The following GHR variants were observed in gnomAD, a reference collection of about 807,000 sequenced individuals.
The protein encoded by GHR is GH receptor.
Under a neutral mutation model 67.1 loss-of-function variants are expected in GHR, and 35 were observed. The observed-to-expected ratio is 0.52, with a 90% CI of 0.40 to 0.69. The LOEUF is 0.69. Ranked by LOEUF, GHR falls within the 30% of genes least tolerant of loss-of-function variation. The pLI, the probability that GHR is intolerant of heterozygous loss-of-function variation, is 0.00. For synonymous variants in GHR, 272 were observed against 269.1 expected (o/e 1.01, Z -0.10); for missense variants, 792 against 764.6 (o/e 1.04, Z -0.42).
intron 3 of GHR, among the ~76,000 whole-genome samples, chr5:42,646,853 T>C (rs1754756705): frequency 6.6e-6 from 1 of 152,196 alleles, no homozygotes; most frequent in Non-Finnish European, 1.5e-5. Flanking sequence ...GGAATCACTG[T>C]GGTACCAGAC....
chr5:42,485,783 G>T (rs1361531143), intron 1 of GHR, among the ~76,000 whole-genome samples: 1 of 152,174 alleles, frequency 6.6e-6, no homozygotes, highest in African/African-American at 2.4e-5. Flanking sequence ...GAGATTAGAA[G>T]CCAGCTCACA....
At chr5:42,454,828 C>G (rs1000786573) in intron 1 of GHR, among the ~76,000 whole-genome samples, 1 of 152,114 alleles carries the variant, frequency 6.6e-6, no homozygotes, top group African/African-American at 2.4e-5. Flanking sequence ...CACACCCCTC[C>G]CTGTCTGCCC....
At chr5:42,561,813 G>A (rs1164005983) in intron 1 of GHR, among the ~76,000 whole-genome samples, 1 of 152,166 alleles carries the variant, frequency 6.6e-6, no homozygotes. Flanking sequence ...AATTTAGAGA[G>A]GGATTTTCCC....
At chr5:42,462,066 A>T (rs772896646) in intron 1 of GHR, among the ~76,000 whole-genome samples, 20 of 152,206 alleles carry the variant, frequency 1.3e-4, no homozygotes, top group Non-Finnish European at 2.6e-4. Context: ...TTATCATGAA[A>T]CTATTCCAGG....
In GHR at chr5:42,424,900, G is replaced by T. The variant is rs1359448380; in HGVS notation, c.-12+945G>T. 4.8e-6 allele frequency: 3 copies of T among 625,656 alleles called. No homozygotes were observed. Among genetic ancestry groups the T allele is most frequent in the Non-Finnish European group, 6.0e-6 (3 of 501,126 alleles). 38.8% of individuals were successfully genotyped at this position (625,656 alleles called of 1,614,324 possible). A position where few individuals can be genotyped will look rare whatever the true frequency, so the allele number is the denominator to read the frequency against. ...GTGTCCTGAATGAGTGTACGTGTGC[G>T]CTGTGTGTGCGCGCGCGAGTGTGCG... On this transcript the variant is annotated intron_variant, in intron 1 of 9. Transcript: ENST00000230882. This position sits in a 1 kb window ranked among gnomAD's most constrained non-coding sequence, Gnocchi z 4.1.
intron 1 of GHR, among the ~76,000 whole-genome samples, chr5:42,438,536 C>G (rs562717842): frequency 6.6e-6 from 1 of 152,298 alleles, no homozygotes; most frequent in Admixed American, 6.5e-5. Flanking sequence ...TGTTCTGTCT[C>G]TTATACCTAT....
chr5:42,512,028 A>C (rs1747039873), intron 1 of GHR, among the ~76,000 whole-genome samples: 1 of 152,146 alleles, frequency 6.6e-6, no homozygotes, highest in Admixed American at 6.6e-5. Flanking sequence ...TTGCTGAAAA[A>C]TTAATATTTG....
intron 3 of GHR, among the ~76,000 whole-genome samples, chr5:42,643,851 G>T (rs1754599443): frequency 6.6e-6 from 1 of 151,590 alleles, no homozygotes; most frequent in Non-Finnish European, 1.5e-5. Context: ...GTTCACAGTG[G>T]TATTTTTTTA....
intron 1 of GHR, among the ~76,000 whole-genome samples, chr5:42,450,573 G>A (rs955378302): frequency 2.0e-5 from 3 of 151,960 alleles, no homozygotes; most frequent in Non-Finnish European, 2.9e-5. Flanking sequence ...CAAAGAACCA[G>A]CTTTTTGTTT....
At chr5:42,571,333 C>T (rs1223000711) in intron 2 of GHR, among the ~76,000 whole-genome samples, 1 of 152,200 alleles carries the variant, frequency 6.6e-6, no homozygotes, top group Non-Finnish European at 1.5e-5. Flanking sequence ...TGTGGTATGG[C>T]TCAGGCTACT....
At chr5:42,622,696 G>A (rs1293512947) in intron 2 of GHR, among the ~76,000 whole-genome samples, 1 of 152,094 alleles carries the variant, frequency 6.6e-6, no homozygotes, top group African/African-American at 2.4e-5. Flanking sequence ...GTCTATTCAG[G>A]GGTGTTTCTA....
At chr5:42,469,665 G>C (rs1346325345) in intron 1 of GHR, among the ~76,000 whole-genome samples, 3 of 152,302 alleles carry the variant, frequency 2.0e-5, no homozygotes, top group East Asian at 1.9e-4. Flanking sequence ...GCGAAGAGGA[G>C]AGCAGACTCC....
chr5:42,716,066 T>A (rs887289412), intron 8 of GHR, among the ~76,000 whole-genome samples: 1 of 151,914 alleles, frequency 6.6e-6, no homozygotes, highest in Non-Finnish European at 1.5e-5. Context: ...CGTCACAAAG[T>A]CAAACATCAG....
chr5:42,425,424 C>T (rs559369803), intron 1 of GHR, among the ~76,000 whole-genome samples: 1 of 152,234 alleles, frequency 6.6e-6, no homozygotes, highest in South Asian at 2.1e-4. Flanking sequence ...AACTGGTGTT[C>T]CAGGCTAGTT....
intron 2 of GHR, among the ~76,000 whole-genome samples, chr5:42,619,436 A>C (rs1455503548): frequency 6.6e-6 from 1 of 152,016 alleles, no homozygotes; most frequent in Non-Finnish European, 1.5e-5. Flanking sequence ...CTTCAGATCT[A>C]TAACAGCCAC....
intron 2 of GHR, among the ~76,000 whole-genome samples, chr5:42,589,898 G>A (rs951617919): frequency 4.6e-5 from 7 of 152,246 alleles, no homozygotes; most frequent in African/African-American, 1.2e-4. Flanking sequence ...CAGAGATGGC[G>A]GTGAGAAATT....
At chr5:42,711,428 G>C in intron 7 of GHR, 56 bp downstream of exon 7, 2 of 1,205,574 alleles carry the variant, frequency 1.7e-6, no homozygotes, top group South Asian at 1.2e-5. Context: ...CAATATAACA[G>C]TTGATTCACC....
At chr5:42,635,038 C>A (rs72554682) in intron 3 of GHR, among the ~76,000 whole-genome samples, 12 of 151,690 alleles carry the variant, frequency 7.9e-5, no homozygotes, top group African/African-American at 2.9e-4. Context: ...TTTGGACAAG[C>A]AGTAGAGAGC....
intron 1 of GHR, among the ~76,000 whole-genome samples, chr5:42,462,834 G>A (rs1744546077): frequency 6.6e-6 from 1 of 151,914 alleles, no homozygotes; most frequent in African/African-American, 2.4e-5. Flanking sequence ...GCATTAAAAT[G>A]CATTATTGAA....
Sources: gnomAD v4.1 joint callset for allele counts (sites outside exome capture counted in the v4.1 genomes callset) on GRCh38, gnomAD v4.1.1 for gene constraint, Gnocchi (gnomAD v3.1) non-coding constraint, MANE v1.5 for transcripts, NCBI Gene and HGNC (gene_info 2026-07-23, HGNC 2026-07-21) for gene names.